Variants in CADM1 observed in about 807,000 individuals in gnomAD.
CADM1 encodes the protein TSLC-1.
In CADM1, 15 loss-of-function variants were observed where a neutral mutation model predicts 53.1. The ratio of observed to expected loss-of-function variants is 0.28; its 90% CI spans 0.19 to 0.44. The LOEUF (loss-of-function observed/expected upper bound fraction) is 0.44. Ranked by LOEUF, CADM1 falls within the 20% of genes least tolerant of loss-of-function variation. The pLI is 1.00. For synonymous variants in CADM1, 281 were observed against 243.0 expected, an observed-to-expected ratio of 1.16 and a Z score of -1.45; for missense variants, 434 against 611.3, an observed-to-expected ratio of 0.71 and a Z score of 3.06.
intron 1 of CADM1, among the ~76,000 whole-genome samples, chr11:115,403,119 GGTATTATAGACTTCCTCATAC>G (rs1947206366): frequency 1.3e-5 from 2 of 152,212 alleles, no homozygotes; most frequent in East Asian, 3.9e-4. Flanking sequence ...AGGATAAATG[GGTATTATAGACTTCCTCATAC>G]GTTACACTGA....
chr11:115,340,131 G>A (rs570707546), intron 1 of CADM1: 16 of 152,196 alleles, frequency 1.1e-4, no homozygotes, highest in African/African-American at 3.6e-4. Flanking sequence ...TCTGGCTGAC[G>A]ACATCTGGAG....
At chr11:115,234,855 T>C (rs1169884939) in intron 3 of CADM1, among the ~76,000 whole-genome samples, 2 of 131,190 alleles carry the variant, frequency 1.5e-5, no homozygotes, top group Admixed American at 1.9e-4. Context: ...ATCACGCCAT[T>C]GCACTCCAGC....
At chr11:115,368,051 C>G (rs527463720) in intron 1 of CADM1, among the ~76,000 whole-genome samples, 14 of 146,620 alleles carry the variant, frequency 9.5e-5, no homozygotes, top group Non-Finnish European at 1.5e-4. Flanking sequence ...TGTTTTCTTT[C>G]CTCTCACATT....
chr11:115,181,497 TACC>T (rs1939309958), intron 10 of CADM1, among the ~76,000 whole-genome samples: 1 of 152,238 alleles, frequency 6.6e-6, no homozygotes, highest in Non-Finnish European at 1.5e-5. Context: ...GAAAGTTTAC[TACC>T]ACCAGTTAAT....
chr11:115,433,657 G>C (rs1225031716), intron 1 of CADM1, among the ~76,000 whole-genome samples: 3 of 152,128 alleles, frequency 2.0e-5, no homozygotes, highest in Non-Finnish European at 4.4e-5. Context: ...AGGTTCCCAG[G>C]ACCTATATAA....
chr11:115,185,490 T>C (rs2134617037), intron 10 of CADM1, among the ~76,000 whole-genome samples: 1 of 152,348 alleles, frequency 6.6e-6, no homozygotes, highest in East Asian at 1.9e-4. Flanking sequence ...AGTATCAGGA[T>C]ATTAAATACT....
At chr11:115,417,047 G>A (rs964047002) in intron 1 of CADM1, among the ~76,000 whole-genome samples, 8 of 152,156 alleles carry the variant, frequency 5.3e-5, no homozygotes, top group African/African-American at 1.7e-4. Flanking sequence ...GTATAGGTGT[G>A]TTTAAGAAAC....
Position 115,170,193 on chromosome 11 carries a change from G to A in CADM1, c.*6281C>T, listed in dbSNP as rs1013518016. On this transcript the variant is annotated 3_prime_UTR_variant, in exon 12 of 12. Coordinates refer to ENST00000331581, the MANE Select transcript of CADM1 (RefSeq NM_001301043.2). ...TGTGCACGTCTGGAGGGCAGCTGAA[G>A]TCCCGGGCCCAGAGAACCGGTTGAT... is the stretch of plus-strand genomic sequence containing the variant. 2.0e-5 allele frequency: 3 copies of A among 153,402 alleles called. No homozygotes were observed. Among genetic ancestry groups the A allele is most frequent in the African/African-American group, 7.2e-5 (3 of 41,456 alleles). 9.5% of individuals were successfully genotyped at this position (153,402 alleles called of 1,614,324 possible).
chr11:115,428,126 C>T (rs1419583103), intron 1 of CADM1, among the ~76,000 whole-genome samples: 4 of 151,920 alleles, frequency 2.6e-5, no homozygotes, highest in Non-Finnish European at 5.9e-5. Flanking sequence ...GTTCTACCTC[C>T]TCCAAAAGAG....
intron 1 of CADM1, among the ~76,000 whole-genome samples, chr11:115,434,863 ATT>A (rs71066429): frequency 7.8e-6 from 1 of 128,732 alleles, no homozygotes; most frequent in African/African-American, 3.0e-5. Flanking sequence ...TATTATTATT[ATT>A]TTTTTTTTTT....
chr11:115,318,509 T>C (rs988873), intron 1 of CADM1, among the ~76,000 whole-genome samples: 39,216 of 152,066 alleles, frequency 0.26, 5,360 homozygotes, highest in East Asian at 0.44. Context: ...GTACAAGAAG[T>C]GTGTGATCTG....
chr11:115,495,274 G>A (rs141796894), intron 1 of CADM1, among the ~76,000 whole-genome samples: 4 of 152,122 alleles, frequency 2.6e-5, no homozygotes, highest in Admixed American at 2.6e-4. Context: ...CCAGGAGGCT[G>A]GATTTATACA....
intron 1 of CADM1, among the ~76,000 whole-genome samples, chr11:115,366,465 T>C (rs1454749504): frequency 6.6e-6 from 1 of 152,218 alleles, no homozygotes; most frequent in Non-Finnish European, 1.5e-5. Context: ...CTTAGTCTAC[T>C]AGTACCTGGG....
At chr11:115,496,854 G>A (rs1362168771) in intron 1 of CADM1, among the ~76,000 whole-genome samples, 3 of 152,194 alleles carry the variant, frequency 2.0e-5, no homozygotes, top group Admixed American at 2.0e-4. Context: ...TGTCAATGGT[G>A]TCATTGGTAA....
In CADM1 at chr11:115,171,305, AAC is replaced by A. The variant is rs1181092291; in HGVS notation, c.*5167_*5168del. On this transcript the variant is annotated 3_prime_UTR_variant, in exon 12 of 12. Coordinates refer to ENST00000331581, the MANE Select transcript of CADM1 (RefSeq NM_001301043.2). Reference sequence around the variant, plus strand: ...ACTTAAGCAGGGTCTTTCTACCTGTAACACAGTGGCCACATGGTTTCTTTGAG... The same window carrying A: ...ACTTAAGCAGGGTCTTTCTACCTGTAACAGTGGCCACATGGTTTCTTTGAG... 2.0e-5 allele frequency: 3 copies of A among 152,250 alleles called. No individual in the cohort carries two copies. Among genetic ancestry groups the A allele is most frequent in the Admixed American group, 6.5e-5 (1 of 15,288 alleles). 9.4% of individuals were successfully genotyped at this position (152,250 alleles called of 1,614,324 possible).
intron 1 of CADM1, among the ~76,000 whole-genome samples, chr11:115,380,051 G>T (rs1946535693): frequency 6.6e-6 from 1 of 152,134 alleles, no homozygotes; most frequent in African/African-American, 2.4e-5. Context: ...GTCCTTAAAA[G>T]ACATTGTATT....
chr11:115,469,204 G>A (rs1219008571), intron 1 of CADM1, among the ~76,000 whole-genome samples: 5 of 152,104 alleles, frequency 3.3e-5, no homozygotes, highest in Non-Finnish European at 7.4e-5. Flanking sequence ...ATATGGCTAA[G>A]TATACTCACC....
chr11:115,346,586 T>G (rs983571058), intron 1 of CADM1, among the ~76,000 whole-genome samples: 16 of 152,140 alleles, frequency 1.1e-4, no homozygotes, highest in Non-Finnish European at 2.9e-5. Context: ...TGAAAGACAT[T>G]TCATGAAACT....
chr11:115,325,836 G>T (rs1944945051), intron 1 of CADM1, among the ~76,000 whole-genome samples: 1 of 152,112 alleles, frequency 6.6e-6, no homozygotes, highest in Non-Finnish European at 1.5e-5. Flanking sequence ...CTTTTTAATT[G>T]TATTCTATGA....
Sources: gnomAD v4.1 joint callset for allele counts (sites outside exome capture counted in the v4.1 genomes callset) on GRCh38, gnomAD v4.1.1 for gene constraint, MANE v1.5 for transcripts, NCBI Gene and HGNC (gene_info 2026-07-23, HGNC 2026-07-21) for gene names.